The following SYCP1 variants were observed in gnomAD, a reference collection of about 807,000 sequenced individuals.
The protein encoded by SYCP1 is synaptonemal complex protein 1.
SYCP1 carries 64 observed loss-of-function variants against 153.1 expected under a neutral mutation model. That is an observed-to-expected ratio of 0.42 (90% CI 0.34 to 0.51). The LOEUF (loss-of-function observed/expected upper bound fraction) is 0.51, where lower values mean the gene tolerates loss of function less well. Among genes scored for constraint, SYCP1 ranks in the 20% least tolerant of loss-of-function variants. SYCP1 has a pLI of 0.06. For missense variants in SYCP1, 997 were observed against 1,049.0 expected, an observed-to-expected ratio of 0.95 and a Z score of 0.68; for synonymous variants, 384 against 341.8, an observed-to-expected ratio of 1.12 and a Z score of -1.36.
chr1:114,855,396 G>C, intron 1 of SYCP1, 45 bp from the exon 2 acceptor site: 1 of 1,204,164 alleles, frequency 8.3e-7, no homozygotes, highest in Non-Finnish European at 1.2e-6. Context: ...ATGACACTCG[G>C]TGAAAAAAAA....
chr1:114,943,330 CAAAA>C (rs1670503282), intron 23 of SYCP1, among the ~76,000 whole-genome samples: 1 of 151,732 alleles, frequency 6.6e-6, no homozygotes, highest in Admixed American at 6.6e-5. Context: ...GTACCAGTCC[CAAAA>C]TGGAGACAAC....
intron 8 of SYCP1, among the ~76,000 whole-genome samples, chr1:114,863,270 C>T (rs1664499886): frequency 9.0e-6 from 1 of 110,554 alleles, no homozygotes; most frequent in Non-Finnish European, 2.0e-5. Flanking sequence ...AAAAGTGTTC[C>T]TAGGCCAGGC....
chr1:114,860,280 A>G (rs1269400951), intron 7 of SYCP1, among the ~76,000 whole-genome samples: 1 of 152,214 alleles, frequency 6.6e-6, no homozygotes, highest in East Asian at 1.9e-4. Flanking sequence ...CAAGATAGCC[A>G]CAGGTCTCAT....
At position 114,944,963 on chromosome 1, in the gene SYCP1, C is replaced by G. The variant is rs757090303; in HGVS notation, c.2135C>G (p.Ala712Gly). ...RCQHKIAEMV[A>G]LMEKHKHQYD... ...CAACATAAAATAGCTGAAATGGTAG[C>G]ACTTATGGAAAAACATAAGGTAATT... The change falls in exon 25 of 32, where the codon GCA becomes GGA. Residue 712 changes from alanine (A) to glycine (G), a missense_variant. Ala to Gly is a moderately conservative substitution (Grantham distance 60). Transcript: ENST00000369522. The G allele has an allele frequency of 2.7e-5, 42 of 1,583,504 alleles. No individual in the cohort carries two copies. The Admixed American group carries it at 3.6e-4, about 14-fold the overall frequency.
rs1664171015 is a variant in SYCP1 at position 114,858,631 on chromosome 1, G to C, written c.376G>C (p.Glu126Gln). 1.2e-6 allele frequency: 2 copies of C among 1,613,010 alleles called. No individual in the cohort carries two copies. Among genetic ancestry groups the C allele is most frequent in the Admixed American group, 3.3e-5 (2 of 59,952 alleles). Residue 126 changes from glutamate to glutamine, a missense_variant, in exon 6 of 32, where the codon GAA becomes CAA. Around this residue, in one of 2 missense-constraint regions of SYCP1, gnomAD observed 285 missense variants for 366.1 expected, o/e 0.78. Coordinates refer to ENST00000369522, the MANE Select transcript of SYCP1 (RefSeq NM_003176.4). ...AAAATGGAAAGTAAGTACAGAAGCT[G>C]AACTGAGACAGAAAGAAAGTAAGTT... is the stretch of plus-strand genomic sequence containing the variant. ...IKKWKVSTEA[E>Q]LRQKESKLQE...
At chr1:114,928,070 C>T (rs1221219315) in intron 23 of SYCP1, among the ~76,000 whole-genome samples, 15 of 152,164 alleles carry the variant, frequency 9.9e-5, no homozygotes, top group Admixed American at 9.8e-4. Flanking sequence ...ATCCACCTGC[C>T]TCAGCCTCCC....
At chr1:114,949,639 C>A (rs1670963179) in intron 27 of SYCP1, among the ~76,000 whole-genome samples, 1 of 152,096 alleles carries the variant, frequency 6.6e-6, no homozygotes, top group South Asian at 2.1e-4. Flanking sequence ...TCTACCAGGG[C>A]TCAATCCCTT....
chr1:114,991,625 C>A (rs1021799774), intron 30 of SYCP1, among the ~76,000 whole-genome samples: 3 of 151,664 alleles, frequency 2.0e-5, no homozygotes, highest in Non-Finnish European at 4.4e-5. Flanking sequence ...GAAAACCTCT[C>A]AGAAAATTAG....
intron 8 of SYCP1, among the ~76,000 whole-genome samples, chr1:114,861,347 T>C (rs1256368042): frequency 6.6e-6 from 1 of 152,298 alleles, no homozygotes; most frequent in Admixed American, 6.5e-5. Context: ...AAAGTAGGAT[T>C]TTTTCCCATT....
chr1:114,864,347 T>G (rs1360026289), intron 8 of SYCP1, among the ~76,000 whole-genome samples: 1 of 152,132 alleles, frequency 6.6e-6, no homozygotes, highest in African/African-American at 2.4e-5. Context: ...AGGAAGCAGT[T>G]AAGTGCAAAG....
At chr1:114,962,165 A>G (rs922639102) in intron 27 of SYCP1, among the ~76,000 whole-genome samples, 12 of 151,794 alleles carry the variant, frequency 7.9e-5, no homozygotes, top group Non-Finnish European at 1.5e-4. Context: ...GTATTTTTTT[A>G]GTAGAGACAG....
At chr1:114,884,184 G>A (rs1303814823) in intron 12 of SYCP1, among the ~76,000 whole-genome samples, 1 of 152,126 alleles carries the variant, frequency 6.6e-6, no homozygotes, top group Non-Finnish European at 1.5e-5. Context: ...GTCCTGTTAT[G>A]ATCTTGTCCT....
chr1:114,925,113 A>G (rs1213080471), intron 21 of SYCP1, among the ~76,000 whole-genome samples: 1 of 152,158 alleles, frequency 6.6e-6, no homozygotes, highest in Middle Eastern at 3.2e-3. Flanking sequence ...GTGGTCTTCT[A>G]CATTCTTTAA....
intron 20 of SYCP1, among the ~76,000 whole-genome samples, chr1:114,915,692 T>G (rs192954480): frequency 6.6e-6 from 1 of 152,340 alleles, no homozygotes; most frequent in Non-Finnish European, 1.5e-5. Flanking sequence ...AATTAAAGAC[T>G]TCCACTATCT....
chr1:114,928,446 T>C (rs546457997), intron 23 of SYCP1, among the ~76,000 whole-genome samples: 130 of 152,228 alleles, frequency 8.5e-4, no homozygotes, highest in African/African-American at 2.9e-3. Context: ...GCAAAAAGCT[T>C]TATTAAATGA....
At position 114,935,072 on chromosome 1, in the gene SYCP1, A is replaced by T. The variant is rs139632967; in HGVS notation, c.1926+8509A>T. 4.1e-3 allele frequency among the ~76,000 whole-genome samples: 627 copies of T among 152,332 alleles called. 6 individuals carry two copies. Among genetic ancestry groups the T allele is most frequent in the African/African-American group, 0.014 (576 of 41,574 alleles). The stretch of plus-strand genomic sequence containing the variant: ...CCAAGCCGACCTAATAGACATCTAC[A>T]GAACTCTCCACCCCAAATCAACAGA... On this transcript the variant is annotated intron_variant, in intron 23 of 31. Transcript: ENST00000369522.
rs201694467 is a variant in SYCP1, at chr1:114,915,096, AC to A, written c.1718+1052del. On this transcript the variant is annotated intron_variant, in intron 20 of 31. Coordinates refer to ENST00000369522, the MANE Select transcript of SYCP1 (RefSeq NM_003176.4). ...AAGAAGAAAAAAAACTAAAAAAAAA[AC>A]AAACTAAAAAACAAAGAAAAAAACA... Among the ~76,000 whole-genome samples, 582 of 152,158 alleles carry A rather than the reference AC, an allele frequency of 3.8e-3. 6 individuals carry two copies. Among genetic ancestry groups the A allele is most frequent in the Middle Eastern group, 0.01 (3 of 294 alleles).
chr1:114,958,676 T>C (rs1671588460), intron 27 of SYCP1, among the ~76,000 whole-genome samples: 1 of 151,138 alleles, frequency 6.6e-6, no homozygotes, highest in Non-Finnish European at 1.5e-5. Flanking sequence ...ATCCCAGCAC[T>C]TTGGGAGGCT....
chr1:114,912,904 A>C, intron 18 of SYCP1, 129 bp from the exon 19 acceptor site: 1 of 617,596 alleles, frequency 1.6e-6, no homozygotes, highest in South Asian at 2.2e-5. Context: ...ATAAACCAAT[A>C]GTCAATTTTG....
Sources: gnomAD v4.1 joint callset for allele counts (sites outside exome capture counted in the v4.1 genomes callset) on GRCh38, gnomAD v4.1.1 for gene constraint, gnomAD v4.1.1 regional missense constraint, MANE v1.5 for transcripts, NCBI Gene and HGNC (gene_info 2026-07-23, HGNC 2026-07-21) for gene names.